GART: variants seen among roughly 807,000 people sequenced by gnomAD.
The protein encoded by GART is trifunctional purine biosynthetic protein adenosine-3.
In GART, 43 loss-of-function variants were observed where a neutral mutation model predicts 107.2. That is an observed-to-expected ratio of 0.40 (90% CI 0.31 to 0.52). The LOEUF is 0.52. GART is among the 20% of genes least tolerant of loss of function. GART has a pLI of 0.52. For synonymous variants in GART, 434 were observed against 427.0 expected (o/e 1.02, Z -0.20); for missense variants, 1,107 against 1,206.5 (o/e 0.92, Z 1.22).
chr21:33,540,443 G>C (rs918018413), intron 1 of GART, among the ~76,000 whole-genome samples: 1 of 152,216 alleles, frequency 6.6e-6, no homozygotes, highest in Non-Finnish European at 1.5e-5. Context: ...TACAAAAGCA[G>C]GCAGCAGAAG....
intron 2 of GART, among the ~76,000 whole-genome samples, 187 bp from the exon 3 acceptor site, chr21:33,535,507 C>T (rs1273849617): frequency 6.6e-6 from 1 of 152,122 alleles, no homozygotes. Flanking sequence ...ATTAGGCTAA[C>T]CAACAGAGCT....
intron 20 of GART, 52 bp downstream of exon 20, chr21:33,505,509 G>T: frequency 6.5e-7 from 1 of 1,527,734 alleles, no homozygotes; most frequent in South Asian, 1.3e-5. Context: ...ATCTGTTCTG[G>T]AGACCATTTT....
In GART at chr21:33,508,515, CTTT is replaced by C. The variant is rs764380446; in HGVS notation, c.2452+1265_2452+1267del. 3.4e-3 allele frequency among the ~76,000 whole-genome samples: 370 copies of C among 109,810 alleles called. 2 individuals are homozygous for C. Among genetic ancestry groups the C allele is most frequent in the African/African-American group, 0.011 (353 of 30,862 alleles). 72.0% of individuals were successfully genotyped at this position (109,810 alleles called of 152,430 possible). On this transcript the variant is annotated intron_variant, in intron 18 of 21. Coordinates refer to ENST00000381815, the MANE Select transcript of GART (RefSeq NM_000819.5). Reference sequence around the variant, plus strand: ...CCTGTTTTGTATCTATTGTTTCCATCTTTTTTTTTTTTTTTTTTTTTGAGATGG... The same window carrying C: ...CCTGTTTTGTATCTATTGTTTCCATCTTTTTTTTTTTTTTTTTTGAGATGG...
rs2084961035 is a variant in GART at position 33,520,909 on chromosome 21, T to C, written c.1500A>G (p.Leu500=). 6.2e-7 allele frequency: 1 copy of C among 1,603,782 alleles called. No individual in the cohort carries two copies. Among genetic ancestry groups the C allele is most frequent in the African/African-American group, 1.3e-5 (1 of 74,404 alleles). ...ATTCACAAAGGTGTCTGATTACCTT[T>C]AGTTTAGTTCCAACGCCATCTGTTC... is the stretch of plus-strand genomic sequence containing the variant. ...ASGTDGVGTK[L]KIAQLCNKHD... is the part of the protein sequence containing the mutation. Residue 500 remains leucine (L), a synonymous_variant, in exon 13 of 22, where the codon CTA becomes CTG. Coordinates refer to ENST00000381815, the MANE Select transcript of GART (RefSeq NM_000819.5).
chr21:33,541,827 A>T (rs2085435328), intron 1 of GART, among the ~76,000 whole-genome samples: 1 of 152,242 alleles, frequency 6.6e-6, no homozygotes, highest in East Asian at 1.9e-4. Context: ...TGTCCTAAAA[A>T]TGTATAAAGA....
chr21:33,532,364 G>C lies in GART; in HGVS notation c.509C>G (p.Ala170Gly), dbSNP rs1329453041. The C allele has an allele frequency of 6.2e-7, 1 of 1,613,646 alleles. No individual in the cohort carries two copies. Among genetic ancestry groups the C allele is most frequent in the East Asian group, 2.2e-5 (1 of 44,888 alleles). ...VAKSKEEACK[A>G]VQEIMQEKAF... is the part of the protein sequence containing the mutation. ...GCCTACCTGCATGATCTCTTGTACA[G>C]CTTTGCAGGCCTCTTCTTTGCTCTT... The change falls in exon 5 of 22, where the codon GCT becomes GGT. Residue 170 changes from alanine to glycine, a missense_variant. Physicochemically the swap from Ala to Gly is moderately conservative, Grantham distance 60 (BLOSUM62 0). Coordinates refer to ENST00000381815, the MANE Select transcript of GART (RefSeq NM_000819.5).
chr21:33,522,301 G>T lies in GART; in HGVS notation c.1299-19C>A. 1 of 1,509,798 alleles carries T rather than the reference G, an allele frequency of 6.6e-7. No homozygotes were observed. The highest frequency in any genetic ancestry group is 1.4e-5 in the African/African-American group (1 of 73,078). The allele number at this position is 1,509,798 out of a possible 1,614,324, so 93.5% of individuals were successfully genotyped here. ...CAAACTCCTAAAGAATTAAAAACAA[G>T]TCATCACCTAAACGTCAGGGAAAAT... is the stretch of plus-strand genomic sequence containing the variant. On this transcript the variant is annotated intron_variant, in intron 11 of 21. Transcript: ENST00000381815.
chr21:33,528,631 A>G (rs1569028248), intron 8 of GART, 27 bp from the exon 9 acceptor site: 41 of 1,439,186 alleles, frequency 2.8e-5, no homozygotes, highest in Middle Eastern at 1.8e-4. Context: ...AAAAAAAAAA[A>G]AGAGAGAAAG....
intron 12 of GART, among the ~76,000 whole-genome samples, chr21:33,521,357 C>T (rs565883411): frequency 6.6e-5 from 10 of 152,180 alleles, no homozygotes; most frequent in South Asian, 2.1e-4. Flanking sequence ...TAAGGCTGGG[C>T]GTGGTGGCTC....
chr21:33,519,008 C>A, intron 14 of GART: 1 of 276,252 alleles, frequency 3.6e-6, no homozygotes, highest in Admixed American at 4.2e-5. Flanking sequence ...TATTGTTTAC[C>A]CTTAACTTCT....
intron 2 of GART, among the ~76,000 whole-genome samples, chr21:33,536,492 G>C (rs1219009380): frequency 6.6e-6 from 1 of 152,190 alleles, no homozygotes; most frequent in Non-Finnish European, 1.5e-5. Context: ...TTTATCCTTA[G>C]AGGACACATT....
intron 10 of GART, among the ~76,000 whole-genome samples, chr21:33,527,195 C>T (rs374523473): frequency 4.5e-4 from 68 of 152,212 alleles, no homozygotes; most frequent in African/African-American, 1.3e-3. Context: ...GGTGTCTGGG[C>T]AAGACAGTTT....
rs116925855 is a variant in GART at position 33,524,175 on chromosome 21, C to A, written c.1298+594G>T. 192 of 984,756 alleles carry A rather than the reference C, an allele frequency of 1.9e-4. 2 individuals carry two copies. The East Asian group carries it at 0.021, about 107-fold the overall frequency. The allele number at this position is 984,756 out of a possible 1,614,324, so 61.0% of individuals were successfully genotyped here. ...CAAATCAAATTACAAAGTTAGATGA[C>A]CAGTATTCTCATCTTCAGTTCTTTG... is the stretch of plus-strand genomic sequence containing the variant. On this transcript the variant is annotated intron_variant, in intron 11 of 21. Coordinates refer to ENST00000381815, the MANE Select transcript of GART (RefSeq NM_000819.5).
chr21:33,504,155 T>G lies in GART; in HGVS notation c.3002A>C (p.Asn1001Thr), dbSNP rs1438077080. Reference protein sequence around the residue: ...VASGTVQLGENGKICWVKEE With the variant: ...VASGTVQLGETGKICWVKEE ...CTCTTTAACCCAACAGATCTTGCCA[T>G]TTTCTCCAAGCTGTACAGTTCCACT... The change falls in exon 22 of 22, where the codon AAT (asparagine) becomes ACT (threonine). Residue 1001 changes from asparagine to threonine, a missense_variant. Physicochemically the swap from Asn to Thr is moderately conservative, Grantham distance 65. Transcript: ENST00000381815. 1 of 1,613,602 alleles carries G rather than the reference T, an allele frequency of 6.2e-7. No individual in the cohort carries two copies. The highest frequency in any genetic ancestry group is 8.5e-7 in the Non-Finnish European group (1 of 1,179,730).
chr21:33,517,494 G>A lies in GART; in HGVS notation c.1817C>T (p.Thr606Ile), dbSNP rs1337164674. 6.2e-7 allele frequency: 1 copy of A among 1,614,070 alleles called. No homozygotes were observed. Among genetic ancestry groups the A allele is most frequent in the Non-Finnish European group, 8.5e-7 (1 of 1,180,038 alleles). ...TATTCCAACAACAACATCACCCTCA[G>A]TGATTCTTTCCAGGTGAGGGAGTTT... Reference protein sequence around the residue: ...DQKLPHLERITEGDVVVGIAS... With the variant: ...DQKLPHLERIIEGDVVVGIAS... The change falls in exon 15 of 22, where the codon ACT becomes ATT. Residue 606 changes from threonine to isoleucine, a missense_variant. Transcript: ENST00000381815.
chr21:33,522,339 A>T, intron 11 of GART, 57 bp from the exon 12 acceptor site: 1 of 1,270,638 alleles, frequency 7.9e-7, no homozygotes, highest in Non-Finnish European at 1.1e-6. Flanking sequence ...TTTTAATCTT[A>T]AAATATTATT....
At chr21:33,529,256 A>G (rs2085136165) in intron 7 of GART, among the ~76,000 whole-genome samples, 1 of 152,204 alleles carries the variant, frequency 6.6e-6, no homozygotes, top group Admixed American at 6.5e-5. Flanking sequence ...TATACGCTGC[A>G]TATTTCATAA....
chr21:33,533,579 C>T (rs1047618516), intron 4 of GART, among the ~76,000 whole-genome samples: 1 of 151,818 alleles, frequency 6.6e-6, no homozygotes, highest in Non-Finnish European at 1.5e-5. Flanking sequence ...AATCAATGTT[C>T]TTTATGTTGT....
At position 33,524,774 on chromosome 21, in the gene GART, C is replaced by G. The variant is rs551032702; in HGVS notation, c.1293G>C (p.Gln431His). The G allele has an allele frequency of 1.6e-4, 265 of 1,614,180 alleles. 5 individuals carry two copies. The South Asian group carries it at 2.9e-3, about 18-fold the overall frequency. Residue 431 changes from glutamine (Q) to histidine (H), a missense_variant, in exon 11 of 22, where the codon CAG becomes CAC. Gln to His is a conservative substitution (Grantham distance 24). Transcript: ENST00000381815. ...VGFRAIAFLQ[Q>H]PRSLTYKESG... ...TAACTTGCTTAGAGTTTTACCTGGG[C>G]TGCTGGAGGAAAGCTATGGCACGAA...
Sources: allele counts gnomAD v4.1 joint callset (sites outside exome capture counted in the v4.1 genomes callset), GRCh38; gene constraint gnomAD v4.1.1; transcripts MANE v1.5; gene names NCBI Gene and HGNC (gene_info 2026-07-23, HGNC 2026-07-21).